TRAPPC9: variants seen among roughly 807,000 people sequenced by gnomAD.
TRAPPC9 encodes the protein trafficking protein particle complex subunit 9.
In TRAPPC9, 83 loss-of-function variants were observed where a neutral mutation model predicts 124.0. The observed-to-expected ratio is 0.67, with a 90% CI of 0.56 to 0.80. The LOEUF is 0.80. TRAPPC9 is among the 30% of genes least tolerant of loss of function. The pLI, the probability that TRAPPC9 is intolerant of heterozygous loss-of-function variation, is 0.00. For missense variants in TRAPPC9, 1,302 were observed against 1,508.3 expected, an observed-to-expected ratio of 0.86 and a Z score of 2.27; for synonymous variants, 638 against 617.5, an observed-to-expected ratio of 1.03 and a Z score of -0.49.
At chr8:140,410,205 T>C (rs2069653353) in intron 5 of TRAPPC9, among the ~76,000 whole-genome samples, 1 of 151,830 alleles carries the variant, frequency 6.6e-6, no homozygotes, top group South Asian at 2.1e-4. Context: ...GGTAACCCTT[T>C]TTATATAGTT....
intron 17 of TRAPPC9, among the ~76,000 whole-genome samples, chr8:140,038,306 G>A (rs768867873): frequency 1.1e-4 from 16 of 152,188 alleles, no homozygotes; most frequent in Admixed American, 5.2e-4. Context: ...CGTGCTCCAC[G>A]GGCAGGGCCA....
chr8:139,800,835 G>A (rs181993864), intron 21 of TRAPPC9, among the ~76,000 whole-genome samples: 297 of 118,572 alleles, frequency 2.5e-3, no homozygotes, highest in African/African-American at 9.2e-3. Flanking sequence ...CCTTCCCTCC[G>A]TCCGGTACCT....
At chr8:140,382,285 A>C (rs1387887872) in intron 7 of TRAPPC9, among the ~76,000 whole-genome samples, 3 of 152,168 alleles carry the variant, frequency 2.0e-5, no homozygotes, top group Non-Finnish European at 2.9e-5. Context: ...CTTGTTGGAC[A>C]GTGGGTGCAG....
Position 140,434,979 on chromosome 8 carries a change from A to G in TRAPPC9, c.859+133T>C. ...TGCAAGACTCTGTCTCAAAAAAAAA[A>G]AAAAATTACTGACTCAACAGATTTT... is the stretch of plus-strand genomic sequence containing the variant. On this transcript the variant is annotated intron_variant, in intron 4 of 22. Transcript: ENST00000438773. The G allele has an allele frequency of 1.7e-5, 25 of 1,475,112 alleles. 1 individual carries two copies. Among genetic ancestry groups the G allele is most frequent in the Middle Eastern group, 4.6e-4 (2 of 4,338 alleles). The allele number at this position is 1,475,112 out of a possible 1,614,324, so 91.4% of individuals were successfully genotyped here.
chr8:140,342,495 C>T (rs1424737475), intron 9 of TRAPPC9, among the ~76,000 whole-genome samples: 2 of 152,098 alleles, frequency 1.3e-5, no homozygotes, highest in East Asian at 3.9e-4. Flanking sequence ...TCAAAAGCTT[C>T]CCTTCATTTC....
In TRAPPC9 at chr8:139,960,912, G is replaced by A. The variant is rs1258826347; in HGVS notation, c.2810+27814C>T. On this transcript the variant is annotated intron_variant, in intron 19 of 22. Coordinates refer to ENST00000438773, the MANE Select transcript of TRAPPC9 (RefSeq NM_001160372.4). ...CAGTAGGGACAAATAATGGTTGTTC[G>A]GTGGCTTAACCCCTAACGTTTTAGG... is the stretch of plus-strand genomic sequence containing the variant. Among the ~76,000 whole-genome samples the A allele has an allele frequency of 2.4e-5, 3 of 125,206 alleles. 1 individual carries two copies. Among genetic ancestry groups the A allele is most frequent in the Non-Finnish European group, 3.8e-5 (2 of 52,408 alleles). The allele number at this position is 125,206 out of a possible 152,430, so 82.1% of individuals were successfully genotyped here.
chr8:140,231,230 C>T (rs77215195), intron 16 of TRAPPC9, among the ~76,000 whole-genome samples: 2,007 of 152,254 alleles, frequency 0.013, 41 homozygotes, highest in African/African-American at 0.046. Context: ...GACACGCCTC[C>T]GAGGCCAGCA....
intron 15 of TRAPPC9, among the ~76,000 whole-genome samples, chr8:140,272,817 C>T (rs1223864497): frequency 2.6e-5 from 4 of 151,948 alleles, no homozygotes; most frequent in Non-Finnish European, 5.9e-5. Context: ...TCCCATGAGA[C>T]GAGCACCCAG....
intron 18 of TRAPPC9, among the ~76,000 whole-genome samples, chr8:140,000,536 G>A (rs1469200631): frequency 6.6e-6 from 1 of 151,982 alleles, no homozygotes; most frequent in African/African-American, 2.4e-5. Context: ...AAATTTACAA[G>A]AAAAAAACAA....
intron 9 of TRAPPC9, among the ~76,000 whole-genome samples, chr8:140,350,290 C>G (rs1353106758): frequency 6.6e-6 from 1 of 152,146 alleles, no homozygotes; most frequent in Non-Finnish European, 1.5e-5. Flanking sequence ...CACCCTCCAT[C>G]AAGGTGACTT....
intron 9 of TRAPPC9, among the ~76,000 whole-genome samples, chr8:140,344,772 T>C (rs556653728): frequency 6.6e-6 from 1 of 152,362 alleles, no homozygotes; most frequent in South Asian, 2.1e-4. Context: ...CAAGGAGAAC[T>C]GAGGAGAAAC....
chr8:140,163,958 A>G (rs1349173941), intron 17 of TRAPPC9, among the ~76,000 whole-genome samples: 3 of 152,264 alleles, frequency 2.0e-5, no homozygotes, highest in Non-Finnish European at 4.4e-5. Flanking sequence ...TCACCTAATA[A>G]AAGAATTGCT....
intron 7 of TRAPPC9, among the ~76,000 whole-genome samples, chr8:140,397,026 A>G (rs1415489294): frequency 6.6e-6 from 1 of 152,162 alleles, no homozygotes; most frequent in Non-Finnish European, 1.5e-5. Context: ...GGTGTCCTTA[A>G]GCAAATTGTT....
rs750714820 is a variant in TRAPPC9 at position 139,825,311 on chromosome 8, C to T, written c.3055+60568G>A. ...AGCCACACTGGGTCCCACTCTTTCC[C>T]GCCGAATGGAGGAGAGGAGAAGCAC... On this transcript the variant is annotated intron_variant, in intron 21 of 22. Transcript: ENST00000438773. The surrounding 1 kb of genome is among the most constrained non-coding windows in gnomAD (Gnocchi z 4.6). 6.6e-6 allele frequency among the ~76,000 whole-genome samples: 1 copy of T among 152,200 alleles called. No homozygotes were observed. The highest frequency in any genetic ancestry group is 1.5e-5 in the Non-Finnish European group (1 of 68,026).
rs892663349 is a variant in TRAPPC9, at chr8:140,300,707, T to A, written c.1623-93A>T. ...CAAACATGATGTATCAGAAAAACAG[T>A]AAATCAGTCAGAAGGAAGATAAATG... On this transcript the variant is annotated intron_variant, in intron 10 of 22. Coordinates refer to ENST00000438773, the MANE Select transcript of TRAPPC9 (RefSeq NM_001160372.4). 4 of 1,498,030 alleles carry A rather than the reference T, an allele frequency of 2.7e-6. No homozygotes were observed. The African/African-American group carries it at 5.5e-5, about 21-fold the overall frequency. The allele number at this position is 1,498,030 out of a possible 1,614,324, so 92.8% of individuals were successfully genotyped here. A position where few individuals can be genotyped will look rare whatever the true frequency, so the allele number is the denominator to read the frequency against.
chr8:140,042,090 C>T (rs1015550498), intron 17 of TRAPPC9, among the ~76,000 whole-genome samples: 1 of 151,968 alleles, frequency 6.6e-6, no homozygotes, highest in Non-Finnish European at 1.5e-5. Context: ...GTACTAATGT[C>T]GAAGGTCATG....
intron 19 of TRAPPC9, among the ~76,000 whole-genome samples, chr8:139,976,420 A>G (rs1430737844): frequency 6.6e-6 from 1 of 152,224 alleles, no homozygotes; most frequent in East Asian, 1.9e-4. Context: ...AAAAATTGAT[A>G]AACTGTACTT....
At chr8:140,446,509 T>C (rs2071264730) in intron 2 of TRAPPC9, among the ~76,000 whole-genome samples, 1 of 152,120 alleles carries the variant, frequency 6.6e-6, no homozygotes, top group Admixed American at 6.6e-5. Flanking sequence ...CTTAAACAAA[T>C]TGCCCTTGAG....
At chr8:140,060,021 T>C (rs1378488737) in intron 17 of TRAPPC9, among the ~76,000 whole-genome samples, 1 of 152,230 alleles carries the variant, frequency 6.6e-6, no homozygotes, top group Non-Finnish European at 1.5e-5. Context: ...ATCTTCCTGC[T>C]AGTTTTGTAG....
Sources: gnomAD v4.1 joint callset for allele counts (sites outside exome capture counted in the v4.1 genomes callset) on GRCh38, gnomAD v4.1.1 for gene constraint, Gnocchi (gnomAD v3.1) non-coding constraint, MANE v1.5 for transcripts, NCBI Gene and HGNC (gene_info 2026-07-23, HGNC 2026-07-21) for gene names.